Variants in PWWP2B observed in about 807,000 individuals in gnomAD.
The protein encoded by PWWP2B is PWWP domain-containing protein 2B.
Under a neutral mutation model 15.5 loss-of-function variants are expected in PWWP2B, and 9 were observed. The observed-to-expected ratio is 0.58, with a 90% confidence interval of 0.35 to 1.02. The LOEUF is 1.02. Among genes scored for constraint, PWWP2B ranks in the 50% least tolerant of loss-of-function variants. The pLI is 0.02. For missense variants in PWWP2B, 864 were observed against 865.3 expected (o/e 1.00, Z 0.02); for synonymous variants, 474 against 403.6 (o/e 1.17, Z -2.09).
In PWWP2B at chr10:132,405,610, G is replaced by A. The variant is rs750391000; in HGVS notation, c.1110G>A (p.Ala370=). The change falls in exon 2 of 3, where the codon GCG becomes GCA. Residue 370 remains alanine, a synonymous_variant. Coordinates refer to ENST00000305233, the MANE Select transcript of PWWP2B (RefSeq NM_138499.4). Reference sequence around the variant, plus strand: ...GGGACAGCTCGCCGGCGCCCTGTGCGGACGGCCCTGCCGGTGGGCTGGCGG... The same window carrying A: ...GGGACAGCTCGCCGGCGCCCTGTGCAGACGGCCCTGCCGGTGGGCTGGCGG... ...YLRDSSPAPC[A]DGPAGGLADL... 54 of 1,611,644 alleles carry A rather than the reference G, an allele frequency of 3.4e-5. No individual in the cohort carries two copies. Among genetic ancestry groups the A allele is most frequent in the South Asian group, 4.4e-5 (4 of 91,090 alleles).
Position 132,405,021 on chromosome 10 carries a change from G to A in PWWP2B, c.521G>A (p.Arg174His). Reference protein sequence around the residue: ...LILSTIRLRPRQVLCEKCKST... With the variant: ...LILSTIRLRPHQVLCEKCKST... ...CTCAGCACCATCCGCCTGCGGCCGCGCCAGGTGCTCTGTGAGAAGTGCAAG... is the reference window on the plus strand; with the variant it reads ...CTCAGCACCATCCGCCTGCGGCCGCACCAGGTGCTCTGTGAGAAGTGCAAG... The change falls in exon 2 of 3, where the codon CGC (arginine) becomes CAC (histidine). Residue 174 changes from arginine (R) to histidine (H), a missense_variant. Arg to His is a conservative substitution (Grantham distance 29). Around this residue, in one of 2 missense-constraint regions of PWWP2B, gnomAD observed 736 missense variants for 687.7 expected, o/e 1.07. Transcript: ENST00000305233. 2 of 1,531,906 alleles carry A rather than the reference G, an allele frequency of 1.3e-6. No homozygotes were observed. The highest frequency in any genetic ancestry group is 2.0e-5 in the Admixed American group (1 of 50,990). The allele number at this position is 1,531,906 out of a possible 1,614,324, so 94.9% of individuals were successfully genotyped here. A position where few individuals can be genotyped will look rare whatever the true frequency, so the allele number is the denominator to read the frequency against.
intron 2 of PWWP2B, among the ~76,000 whole-genome samples, chr10:132,406,684 G>A (rs1171214863): frequency 6.6e-6 from 1 of 152,152 alleles, no homozygotes; most frequent in Non-Finnish European, 1.5e-5. Context: ...ACTCACTCAG[G>A]GAACAAACTC....
chr10:132,403,168 C>CCAGA (rs921809160), intron 1 of PWWP2B, among the ~76,000 whole-genome samples: 3 of 152,326 alleles, frequency 2.0e-5, no homozygotes, highest in Admixed American at 2.0e-4. Flanking sequence ...CGGTGCCTGG[C>CCAGA]CAGAGGAGAA....
At chr10:132,399,809 G>A (rs955420300) in intron 1 of PWWP2B, among the ~76,000 whole-genome samples, 14 of 152,246 alleles carry the variant, frequency 9.2e-5, no homozygotes, top group Non-Finnish European at 1.6e-4. Flanking sequence ...TCTTGGGTGG[G>A]GTGGCCCTGG....
At chr10:132,416,993 C>G in intron 2 of PWWP2B, 68 bp from the exon 3 acceptor site, 5 of 1,579,186 alleles carry the variant, frequency 3.2e-6, no homozygotes, top group Non-Finnish European at 4.4e-6. Context: ...GCTGCTCAGA[C>G]CTTGAGGGGC....
intron 1 of PWWP2B, among the ~76,000 whole-genome samples, chr10:132,402,559 G>C (rs1234891364): frequency 6.6e-6 from 1 of 152,266 alleles, no homozygotes; most frequent in Non-Finnish European, 1.5e-5. Context: ...ACGTGCTTCT[G>C]TGTGAGCACA....
In PWWP2B at chr10:132,405,112, G is replaced by A. The variant is rs1487422972; in HGVS notation, c.612G>A (p.Leu204=). The A allele has an allele frequency of 1.3e-6, 2 of 1,540,708 alleles. No homozygotes were observed. The highest frequency in any genetic ancestry group is 2.4e-5 in the South Asian group (2 of 83,806). The change falls in exon 2 of 3, where the codon CTG becomes CTA. Residue 204 remains leucine, a synonymous_variant. Transcript: ENST00000305233. ...CCGCGCCCAGGGCCCGCAGGAGGCT[G>A]GGCAGCGGCCCGGACAGGGAGCTCC... ...PPAAPRARRR[L]GSGPDRELRK... is the part of the protein sequence containing the mutation.
rs1215221496 is a variant in PWWP2B, at chr10:132,397,392, C to G, written c.125+41C>G. 3 of 1,192,220 alleles carry G rather than the reference C, an allele frequency of 2.5e-6. No homozygotes were observed. In the African/African-American group the frequency reaches 4.9e-5, roughly 19 times the overall value. The allele number at this position is 1,192,220 out of a possible 1,614,324, so 73.9% of individuals were successfully genotyped here. On this transcript the variant is annotated intron_variant, in intron 1 of 2. Transcript: ENST00000305233. ...GGCCGGGACACCCCCGGGGTCCCCA[C>G]GCGACACCCGCCTCCGCCGCCCGGA...
At chr10:132,411,365 A>C (rs2069777729) in intron 2 of PWWP2B, among the ~76,000 whole-genome samples, 1 of 152,192 alleles carries the variant, frequency 6.6e-6, no homozygotes, top group South Asian at 2.1e-4. Context: ...CGCAAACACG[A>C]TGTGGCAGAA....
chr10:132,413,822 G>T (rs2069811976), intron 2 of PWWP2B, among the ~76,000 whole-genome samples: 1 of 152,380 alleles, frequency 6.6e-6, no homozygotes, highest in African/African-American at 2.4e-5. Context: ...TGTGGGGAGG[G>T]TGTGAGCCAC....
In PWWP2B at chr10:132,397,330, T is replaced by C; in HGVS notation, c.104T>C (p.Ile35Thr). 1 of 1,428,582 alleles carries C rather than the reference T, an allele frequency of 7.0e-7. No homozygotes were observed. The highest frequency in any genetic ancestry group is 9.2e-7 in the Non-Finnish European group (1 of 1,081,106). 88.5% of individuals were successfully genotyped at this position (1,428,582 alleles called of 1,614,324 possible). Reference protein sequence around the residue: ...VSCGERSFAGILLDCTKKSGL... With the variant: ...VSCGERSFAGTLLDCTKKSGL... ...TGCGGCGAGCGGAGCTTCGCGGGGA[T>C]CCTGCTGGACTGCACGAAAAAGTGA... Residue 35 changes from isoleucine to threonine, a missense_variant, in exon 1 of 3, where the codon ATC (isoleucine) becomes ACC (threonine). Ile to Thr is a moderately conservative substitution (Grantham distance 89). This residue lies in a region of PWWP2B where 736 missense variants were observed against 687.7 expected (regional missense o/e 1.07). Coordinates refer to ENST00000305233, the MANE Select transcript of PWWP2B (RefSeq NM_138499.4).
intron 2 of PWWP2B, among the ~76,000 whole-genome samples, chr10:132,414,784 G>C (rs1286585859): frequency 1.3e-5 from 2 of 152,220 alleles, no homozygotes; most frequent in East Asian, 3.8e-4. Flanking sequence ...AGAATCTGCG[G>C]GGTCGGAGGA....
intron 2 of PWWP2B, among the ~76,000 whole-genome samples, chr10:132,416,036 G>T (rs1292574851): frequency 1.3e-5 from 2 of 152,220 alleles, no homozygotes; most frequent in Non-Finnish European, 2.9e-5. Flanking sequence ...GCTTCCTCAC[G>T]GCATGGTGGT....
intron 2 of PWWP2B, among the ~76,000 whole-genome samples, chr10:132,406,499 G>A (rs746899118): frequency 1.2e-4 from 19 of 152,264 alleles, no homozygotes; most frequent in African/African-American, 4.6e-4. Context: ...CGCACTGCAA[G>A]GAGGCCAGCC....
At chr10:132,399,954 A>G (rs2069593703) in intron 1 of PWWP2B, among the ~76,000 whole-genome samples, 1 of 152,178 alleles carries the variant, frequency 6.6e-6, no homozygotes, top group African/African-American at 2.4e-5. Context: ...GGTTCCAGAC[A>G]CAGACTGCTG....
Position 132,397,450 on chromosome 10 carries a change from G to A in PWWP2B, c.125+99G>A, listed in dbSNP as rs369091819. Reference sequence around the variant, plus strand: ...GACCCGCCTCCGGGTTGGGGGTGGCGTGGCCCCGGCGCCCGCTTTCGGTTT... The same window carrying A: ...GACCCGCCTCCGGGTTGGGGGTGGCATGGCCCCGGCGCCCGCTTTCGGTTT... On this transcript the variant is annotated intron_variant, in intron 1 of 2. Transcript: ENST00000305233. 21 of 1,100,240 alleles carry A rather than the reference G, an allele frequency of 1.9e-5. No homozygotes were observed. In the East Asian group the frequency reaches 4.2e-4, roughly 22 times the overall value. The allele number at this position is 1,100,240 out of a possible 1,614,324, so 68.2% of individuals were successfully genotyped here.
chr10:132,407,918 G>A (rs955023183), intron 2 of PWWP2B, among the ~76,000 whole-genome samples: 2 of 152,342 alleles, frequency 1.3e-5, no homozygotes, highest in Non-Finnish European at 2.9e-5. Context: ...CTGGACTCAG[G>A]CATTTGCGAG....
intron 1 of PWWP2B, among the ~76,000 whole-genome samples, chr10:132,399,405 G>T (rs368145028): frequency 6.6e-6 from 1 of 152,246 alleles, no homozygotes; most frequent in Non-Finnish European, 1.5e-5. Flanking sequence ...TGGCGGCCCC[G>T]CTCACACAGG....
rs1183531748 is a variant in PWWP2B at position 132,415,346 on chromosome 10, TCACA to T, written c.*17-1710_*17-1707del. 3.8e-5 allele frequency among the ~76,000 whole-genome samples: 5 copies of T among 132,478 alleles called. No individual in the cohort carries two copies. The South Asian group carries it at 7.8e-4, about 21-fold the overall frequency. 86.9% of individuals were successfully genotyped at this position (132,478 alleles called of 152,430 possible). A position where few individuals can be genotyped will look rare whatever the true frequency, so the allele number is the denominator to read the frequency against. On this transcript the variant is annotated intron_variant, in intron 2 of 2. Transcript: ENST00000305233. ...CACACCCCCCCACACACATATCCAC[TCACA>T]CACATCCACTCACTGTCACACACGT... is the stretch of plus-strand genomic sequence containing the variant.
Sources: gnomAD v4.1 joint callset for allele counts (sites outside exome capture counted in the v4.1 genomes callset) on GRCh38, gnomAD v4.1.1 for gene constraint, gnomAD v4.1.1 regional missense constraint, MANE v1.5 for transcripts, NCBI Gene and HGNC (gene_info 2026-07-23, HGNC 2026-07-21) for gene names.